HIF3A: variants seen among roughly 807,000 people sequenced by gnomAD.
The protein encoded by HIF3A is hypoxia inducible factor 3 subunit alpha, also known as hypoxia-inducible factor 3-alpha.
A neutral mutation model predicts 67.2 loss-of-function variants in HIF3A; 41 were observed. The observed-to-expected ratio is 0.61, with a 90% CI of 0.48 to 0.79. HIF3A has a LOEUF of 0.79. Among genes scored for constraint, HIF3A ranks in the 30% least tolerant of loss-of-function variants. The probability of loss-of-function intolerance (pLI) is 0.00; values close to 1 mark genes in which losing one functional copy is unlikely to be tolerated. For missense variants in HIF3A, 855 were observed against 898.0 expected (o/e 0.95, Z 0.61); for synonymous variants, 356 against 374.8 (o/e 0.95, Z 0.58).
intron 11 of HIF3A, 43 bp downstream of exon 11, chr19:46,325,682 C>A: frequency 7.4e-7 from 1 of 1,349,882 alleles, no homozygotes; most frequent in Non-Finnish European, 1.1e-6. Context: ...GCCCTGTGTT[C>A]TGGGGATTCA....
chr19:46,313,457 CAAAAAAAA>C (rs764778049), intron 8 of HIF3A: 2 of 69,892 alleles, frequency 2.9e-5, no homozygotes, highest in African/African-American at 1.2e-4. Flanking sequence ...GACCCATTCT[CAAAAAAAA>C]AAAAAAAAAA....
chr19:46,335,759 C>G (rs1232296615), intron 14 of HIF3A, among the ~76,000 whole-genome samples: 1 of 151,742 alleles, frequency 6.6e-6, no homozygotes, highest in South Asian at 2.1e-4. Flanking sequence ...TGCAAGAGGG[C>G]AGGGTGAGTG....
intron 10 of HIF3A, among the ~76,000 whole-genome samples, chr19:46,325,113 C>T (rs1408714388): frequency 6.6e-6 from 1 of 151,188 alleles, no homozygotes; most frequent in African/African-American, 2.4e-5. Context: ...TCTCCTGCCT[C>T]AGCCTCCCTA....
intron 1 of HIF3A, among the ~76,000 whole-genome samples, chr19:46,299,154 C>T (rs964998631): frequency 1.3e-5 from 2 of 152,254 alleles, no homozygotes; most frequent in Non-Finnish European, 2.9e-5. Flanking sequence ...AGGGTTCCAG[C>T]TGCACGTCCC....
rs183065845 is a variant in HIF3A, at chr19:46,314,412, T to C, written c.1025+1759T>C. ...AAAAAAACAAACACAAAAATATATA[T>C]GGTTTTCATGCAGTAAATTCTGTTT... is the stretch of plus-strand genomic sequence containing the variant. On this transcript the variant is annotated intron_variant, in intron 8 of 14. Coordinates refer to ENST00000377670, the MANE Select transcript of HIF3A (RefSeq NM_152795.4). Among the ~76,000 whole-genome samples the C allele has an allele frequency of 2.1e-5, 3 of 146,126 alleles. 1 individual carries two copies. The East Asian group carries it at 6.8e-4, about 33-fold the overall frequency.
intron 6 of HIF3A, 158 bp from the exon 7 acceptor site, chr19:46,312,003 C>G (rs565518782): frequency 1.3e-6 from 1 of 770,748 alleles, no homozygotes; most frequent in African/African-American, 1.7e-5. Context: ...ACCCACCACA[C>G]TCCTCTTGTT....
In HIF3A at chr19:46,329,318, G is replaced by C; in HGVS notation, c.1552G>C (p.Ala518Pro). 3 of 1,613,306 alleles carry C rather than the reference G, an allele frequency of 1.9e-6. No individual in the cohort carries two copies. Among genetic ancestry groups the C allele is most frequent in the Non-Finnish European group, 2.5e-6 (3 of 1,179,936 alleles). Residue 518 changes from alanine (A) to proline (P), a missense_variant, in exon 12 of 15, where the codon GCT (alanine) becomes CCT (proline). Transcript: ENST00000377670. ...CAGGGCCTACCACAGACCTCTGGGG[G>C]CTGTCCCCCGGCCCCGTGCTCGGAG... Reference protein sequence around the residue: ...LPRAYHRPLGAVPRPRARSFH... With the variant: ...LPRAYHRPLGPVPRPRARSFH...
At chr19:46,324,466 C>A (rs1399725900) in intron 10 of HIF3A, among the ~76,000 whole-genome samples, 2 of 152,180 alleles carry the variant, frequency 1.3e-5, no homozygotes, top group African/African-American at 2.4e-5. Flanking sequence ...GACCTTTGAC[C>A]TCATCCTTTA....
chr19:46,309,259 G>A lies in HIF3A; in HGVS notation c.670G>A (p.Glu224Lys), dbSNP rs771340596. ...PPLQCLVLIC[E>K]AIPHPGSLEP... ...GCTGCAGTGCCTGGTGCTCATCTGC[G>A]AAGCCATCCCCCACCCAGGCAGCCT... Residue 224 changes from glutamate (E) to lysine (K), a missense_variant, in exon 6 of 15, where the codon GAA (glutamate) becomes AAA (lysine). This residue lies in a region of HIF3A where 638 missense variants were observed against 660.5 expected (regional missense o/e 0.97). Coordinates refer to ENST00000377670, the MANE Select transcript of HIF3A (RefSeq NM_152795.4). 7.4e-6 allele frequency: 12 copies of A among 1,613,868 alleles called. No homozygotes were observed. Among genetic ancestry groups the A allele is most frequent in the South Asian group, 1.1e-5 (1 of 91,032 alleles).
chr19:46,329,620 C>A, intron 12 of HIF3A, 142 bp downstream of exon 12: 1 of 1,043,818 alleles, frequency 9.6e-7, no homozygotes, highest in Non-Finnish European at 1.3e-6. Flanking sequence ...CCAGCACATG[C>A]CAAGTTTGTG....
intron 5 of HIF3A, 84 bp from the exon 6 acceptor site, chr19:46,309,067 G>C: frequency 8.8e-7 from 1 of 1,142,744 alleles, no homozygotes; most frequent in Non-Finnish European, 1.3e-6. Context: ...CTCCCTGATG[G>C]GCCCTCAGGA....
At chr19:46,309,092 C>A in intron 5 of HIF3A, 59 bp from the exon 6 acceptor site, 4 of 1,459,692 alleles carry the variant, frequency 2.7e-6, no homozygotes, top group Non-Finnish European at 3.8e-6. Context: ...TCTTCCAACC[C>A]CATGGGTGGT....
intron 14 of HIF3A, 51 bp downstream of exon 14, chr19:46,335,037 A>G: frequency 1.4e-6 from 2 of 1,449,100 alleles, no homozygotes; most frequent in Non-Finnish European, 1.9e-6. Flanking sequence ...CTCCCCCGGG[A>G]GGTGCGAGAG....
rs563643449 is a variant in HIF3A at position 46,327,161 on chromosome 19, A to AT, written c.1440+1522_1440+1523insT. On this transcript the variant is annotated intron_variant, in intron 11 of 14. Coordinates refer to ENST00000377670, the MANE Select transcript of HIF3A (RefSeq NM_152795.4). ...AGAGCTAGACTTTTGTCCCAAAAAA[A>AT]ATATATATATATATAAAAATAGAGA... Among the ~76,000 whole-genome samples the AT allele has an allele frequency of 4.6e-3, 692 of 150,852 alleles. 5 individuals are homozygous for AT. The highest frequency in any genetic ancestry group is 0.015 in the African/African-American group (612 of 41,182).
intron 14 of HIF3A, chr19:46,338,367 T>G (rs951557329): frequency 7.3e-6 from 3 of 411,554 alleles, no homozygotes; most frequent in Middle Eastern, 4.5e-4. Context: ...CATGCCTGGC[T>G]GATGTTTATA....
intron 4 of HIF3A, 35 bp downstream of exon 4, chr19:46,308,340 A>G (rs745988698): frequency 7.3e-7 from 1 of 1,362,154 alleles, no homozygotes; most frequent in East Asian, 2.3e-5. Context: ...CCCACCATAC[A>G]GAGGAGGAAG....
intron 9 of HIF3A, among the ~76,000 whole-genome samples, chr19:46,320,897 C>T (rs1056236322): frequency 6.6e-6 from 1 of 152,158 alleles, no homozygotes; most frequent in Non-Finnish European, 1.5e-5. Flanking sequence ...CTGCCTCTTC[C>T]CTGTTCTGGC....
intron 11 of HIF3A, among the ~76,000 whole-genome samples, chr19:46,326,877 G>A (rs960780660): frequency 1.3e-5 from 2 of 152,206 alleles, no homozygotes; most frequent in African/African-American, 4.8e-5. Context: ...CTGGGGGCCA[G>A]GCGTGGTGGC....
intron 3 of HIF3A, 98 bp from the exon 4 acceptor site, chr19:46,308,123 A>C: frequency 1.2e-6 from 1 of 826,126 alleles, no homozygotes; most frequent in South Asian, 1.4e-5. Context: ...GACTGGTGAA[A>C]TCATCCAGGC....
Sources: gnomAD v4.1 joint callset for allele counts (sites outside exome capture counted in the v4.1 genomes callset) on GRCh38, gnomAD v4.1.1 for gene constraint, gnomAD v4.1.1 regional missense constraint, MANE v1.5 for transcripts, NCBI Gene and HGNC (gene_info 2026-07-23, HGNC 2026-07-21) for gene names.